IL1RAPL2: variants seen among roughly 807,000 people sequenced by gnomAD.
The protein encoded by IL1RAPL2 is interleukin 1 receptor accessory protein like 2.
IL1RAPL2 carries 3 observed loss-of-function variants against 44.1 expected under a neutral mutation model. That is an observed-to-expected ratio of 0.07 (90% CI 0.03 to 0.18). The LOEUF (loss-of-function observed/expected upper bound fraction) is 0.18, where lower values mean the gene tolerates loss of function less well. IL1RAPL2 is among the 10% of genes least tolerant of loss of function. The pLI is 1.00. For synonymous variants in IL1RAPL2, 181 were observed against 178.8 expected, an observed-to-expected ratio of 1.01 and a Z score of -0.10; for missense variants, 391 against 496.4, an observed-to-expected ratio of 0.79 and a Z score of 2.02.
At chrX:104,577,673 G>T (rs906780965) in intron 1 of IL1RAPL2, among the ~76,000 whole-genome samples, 22 of 110,907 alleles carry the variant, frequency 2.0e-4, no homozygotes, top group African/African-American at 5.9e-4. Context: ...GCACAAGGGT[G>T]GTCGGGGTCT....
chrX:105,172,895 A>C (rs2033436750), intron 2 of IL1RAPL2, among the ~76,000 whole-genome samples: 1 of 111,555 alleles, frequency 9.0e-6, no homozygotes, highest in Admixed American at 9.5e-5. Flanking sequence ...AGGAACACCA[A>C]GCTCCAAAGA....
At chrX:104,650,949 G>C (rs1466553959) in intron 1 of IL1RAPL2, among the ~76,000 whole-genome samples, 1 of 111,703 alleles carries the variant, frequency 9.0e-6, no homozygotes, top group Non-Finnish European at 1.9e-5. Context: ...ACAAATGTCA[G>C]TTTCCTGAAA....
intron 3 of IL1RAPL2, chrX:105,219,027 A>G (rs199803207): frequency 1.7e-6 from 2 of 1,211,035 alleles, no homozygotes; most frequent in South Asian, 1.8e-5. Context: ...TCCGTGAAAA[A>G]TTCACAGCGT....
intron 6 of IL1RAPL2, among the ~76,000 whole-genome samples, chrX:105,581,401 A>G (rs1258180466): frequency 8.9e-6 from 1 of 111,758 alleles, no homozygotes; most frequent in Non-Finnish European, 1.9e-5. Flanking sequence ...CAGTTTTCAT[A>G]TGTAATTATA....
chrX:105,713,315 C>T (rs112709884), intron 6 of IL1RAPL2, among the ~76,000 whole-genome samples: 26 of 111,666 alleles, frequency 2.3e-4, no homozygotes, highest in Admixed American at 9.5e-5. Flanking sequence ...CTACAGCAGA[C>T]TTCTGCCTGG....
At chrX:105,028,912 C>A (rs974690656) in intron 2 of IL1RAPL2, among the ~76,000 whole-genome samples, 1 of 110,277 alleles carries the variant, frequency 9.1e-6, no homozygotes, top group African/African-American at 3.3e-5. Context: ...TAAATACATG[C>A]TCCTGGAGCA....
Position 105,164,972 on chromosome X carries a change from C to T in IL1RAPL2, c.83-30503C>T, listed in dbSNP as rs1010610585. On this transcript the variant is annotated intron_variant, in intron 2 of 10. Coordinates refer to ENST00000372582, the MANE Select transcript of IL1RAPL2 (RefSeq NM_017416.2). ...TATTCTTCTTTGCACATATCACTAC[C>T]GTGTAGGTGTCTCATAGGCACCTCC... Among the ~76,000 whole-genome samples the T allele has an allele frequency of 1.5e-3, 169 of 111,405 alleles. 12 individuals are homozygous for T. Among genetic ancestry groups the T allele is most frequent in the Non-Finnish European group, 5.1e-4 (27 of 52,994 alleles).
intron 6 of IL1RAPL2, among the ~76,000 whole-genome samples, chrX:105,653,064 A>C (rs1029456006): frequency 7.1e-5 from 8 of 111,926 alleles, no homozygotes; most frequent in African/African-American, 2.6e-4. Context: ...TTTTGTTCAC[A>C]ATATAGATAG....
chrX:105,760,700 T>C (rs2038679777), intron 10 of IL1RAPL2, among the ~76,000 whole-genome samples: 1 of 112,152 alleles, frequency 8.9e-6, no homozygotes, highest in South Asian at 3.7e-4. Flanking sequence ...TCATCAGGTC[T>C]CAGCAAATTC....
chrX:105,178,373 G>A (rs760033401), intron 2 of IL1RAPL2, among the ~76,000 whole-genome samples: 2 of 112,119 alleles, frequency 1.8e-5, no homozygotes, highest in Non-Finnish European at 3.8e-5. Context: ...CCAGTCATCT[G>A]TTGATGAATA....
chrX:104,779,420 A>G (rs1227750110), intron 2 of IL1RAPL2, among the ~76,000 whole-genome samples: 1 of 112,016 alleles, frequency 8.9e-6, no homozygotes, highest in Non-Finnish European at 1.9e-5. Context: ...TCTAGCAGGA[A>G]TAAGACCTAG....
chrX:104,957,714 G>T (rs1376510067), intron 2 of IL1RAPL2, among the ~76,000 whole-genome samples: 1 of 111,568 alleles, frequency 9.0e-6, no homozygotes, highest in Non-Finnish European at 1.9e-5. Flanking sequence ...TTTTCCAAGG[G>T]ATATGAATTT....
intron 2 of IL1RAPL2, among the ~76,000 whole-genome samples, chrX:105,075,567 A>C (rs1201991173): frequency 8.9e-6 from 1 of 112,061 alleles, no homozygotes; most frequent in Non-Finnish European, 1.9e-5. Flanking sequence ...AAAATGAGTT[A>C]GGGAGGATTC....
At chrX:105,473,729 T>A (rs1261193373) in intron 5 of IL1RAPL2, among the ~76,000 whole-genome samples, 1 of 111,988 alleles carries the variant, frequency 8.9e-6, no homozygotes, top group Non-Finnish European at 1.9e-5. Flanking sequence ...AACAGAAGTA[T>A]CAATACCTGC....
intron 5 of IL1RAPL2, among the ~76,000 whole-genome samples, chrX:105,347,367 C>T (rs183253257): frequency 9.0e-6 from 1 of 111,608 alleles, no homozygotes; most frequent in Non-Finnish European, 1.9e-5. Context: ...TAGTTTTCCA[C>T]ATATGTAAAG....
intron 6 of IL1RAPL2, among the ~76,000 whole-genome samples, chrX:105,625,714 A>T (rs1195664297): frequency 9.0e-6 from 1 of 110,901 alleles, no homozygotes; most frequent in African/African-American, 3.3e-5. Context: ...GACAGTTGAG[A>T]GTGAAAAGAC....
intron 6 of IL1RAPL2, among the ~76,000 whole-genome samples, chrX:105,489,783 CTCTT>C (rs2036299620): frequency 5.4e-5 from 3 of 56,014 alleles, no homozygotes; most frequent in African/African-American, 2.8e-4. Context: ...TTTTCTTTCT[CTCTT>C]TCTCTCTCTC....
At chrX:105,478,057 A>T (rs1049642927) in intron 5 of IL1RAPL2, among the ~76,000 whole-genome samples, 11 of 111,138 alleles carry the variant, frequency 9.9e-5, no homozygotes, top group Non-Finnish European at 2.1e-4. Context: ...AATGCCATTC[A>T]CATGGAAACT....
intron 2 of IL1RAPL2, among the ~76,000 whole-genome samples, chrX:104,886,662 G>C (rs754408155): frequency 8.9e-6 from 1 of 112,256 alleles, no homozygotes; most frequent in East Asian, 2.8e-4. Context: ...AGAGGAAGCA[G>C]AATGGTTCAC....
Sources: gnomAD v4.1 joint callset for allele counts (sites outside exome capture counted in the v4.1 genomes callset) on GRCh38, gnomAD v4.1.1 for gene constraint, MANE v1.5 for transcripts, NCBI Gene and HGNC (gene_info 2026-07-23, HGNC 2026-07-21) for gene names.